The following GRM5 variants were observed in gnomAD, a reference collection of about 807,000 sequenced individuals.
GRM5 encodes the protein metabotropic glutamate receptor 5.
In GRM5, 19 loss-of-function variants were observed where a neutral mutation model predicts 83.1. That is an observed-to-expected ratio of 0.23 (90% CI 0.16 to 0.34). The LOEUF (loss-of-function observed/expected upper bound fraction) is 0.34. Ranked by LOEUF, GRM5 falls within the 10% of genes least tolerant of loss-of-function variation. The pLI is 1.00. For missense variants in GRM5, 1,160 were observed against 1,588.3 expected (o/e 0.73, Z 4.58); for synonymous variants, 675 against 633.6 (o/e 1.07, Z -0.98).
At chr11:88,884,446 A>T (rs1409367375) in intron 2 of GRM5, among the ~76,000 whole-genome samples, 2 of 152,114 alleles carry the variant, frequency 1.3e-5, no homozygotes, top group Non-Finnish European at 2.9e-5. Context: ...TCATAGGAGG[A>T]AGGAACATGC....
chr11:88,669,776 G>A (rs893299010), intron 3 of GRM5, among the ~76,000 whole-genome samples: 3 of 151,936 alleles, frequency 2.0e-5, no homozygotes, highest in Non-Finnish European at 4.4e-5. Flanking sequence ...TAAATTATGG[G>A]AGATTTTACT....
chr11:88,855,692 G>A (rs757492486), intron 2 of GRM5, among the ~76,000 whole-genome samples: 1 of 151,788 alleles, frequency 6.6e-6, no homozygotes, highest in Non-Finnish European at 1.5e-5. Context: ...ATGCCTCAGA[G>A]TCAGGAAATG....
Position 88,861,961 on chromosome 11 carries a change from G to A in GRM5, c.662-11806C>T, listed in dbSNP as rs568601065. Among the ~76,000 whole-genome samples, 4 of 152,250 alleles carry A rather than the reference G, an allele frequency of 2.6e-5. No individual in the cohort carries two copies. In the East Asian group the frequency reaches 5.8e-4, roughly 22 times the overall value. ...TATCTCAAGGGCCTAGGCAACCTAA[G>A]TATTTGTTGAATAAATAAATTTTAG... On this transcript the variant is annotated intron_variant, in intron 2 of 9. Coordinates refer to ENST00000305447, the MANE Select transcript of GRM5 (RefSeq NM_001143831.3).
intron 2 of GRM5, among the ~76,000 whole-genome samples, chr11:89,022,430 C>T (rs1941007636): frequency 6.7e-6 from 1 of 149,332 alleles, no homozygotes; most frequent in Non-Finnish European, 1.5e-5. Context: ...GTCACAAGGT[C>T]AGGAGCTCGA....
chr11:88,581,033 G>A (rs1268835298), intron 7 of GRM5, among the ~76,000 whole-genome samples: 5 of 152,088 alleles, frequency 3.3e-5, no homozygotes, highest in African/African-American at 9.7e-5. Context: ...GCTTGAACCC[G>A]GGAGGCGGAG....
chr11:88,997,911 T>A (rs1392236586), intron 2 of GRM5, among the ~76,000 whole-genome samples: 1 of 152,022 alleles, frequency 6.6e-6, no homozygotes, highest in East Asian at 1.9e-4. Flanking sequence ...ACATTCTCTT[T>A]CAGAAAAGAG....
intron 2 of GRM5, among the ~76,000 whole-genome samples, chr11:88,943,241 T>A (rs1938170286): frequency 6.6e-6 from 1 of 152,118 alleles, no homozygotes; most frequent in African/African-American, 2.4e-5. Context: ...AAAGTAGTCA[T>A]TTAATCAAAC....
intron 3 of GRM5, among the ~76,000 whole-genome samples, chr11:88,836,472 C>T (rs1485731089): frequency 6.6e-6 from 1 of 152,126 alleles, no homozygotes; most frequent in African/African-American, 2.4e-5. Context: ...TGATAGTTCA[C>T]ATCTTCTGTT....
At chr11:88,648,943 C>T (rs1939545615) in intron 4 of GRM5, among the ~76,000 whole-genome samples, 1 of 147,642 alleles carries the variant, frequency 6.8e-6, no homozygotes, top group Non-Finnish European at 1.5e-5. Context: ...TAAACTGATG[C>T]AATTCTTTAT....
chr11:88,545,710 G>A (rs992134456), intron 8 of GRM5, among the ~76,000 whole-genome samples: 2 of 151,928 alleles, frequency 1.3e-5, no homozygotes, highest in South Asian at 2.1e-4. Flanking sequence ...TGAAACCATC[G>A]TGATTTCTCA....
chr11:88,645,962 G>T (rs1020650584), intron 4 of GRM5, among the ~76,000 whole-genome samples: 1 of 152,086 alleles, frequency 6.6e-6, no homozygotes, highest in Admixed American at 6.6e-5. Flanking sequence ...TTCAACTGGG[G>T]ATATAAAAAG....
chr11:88,618,856 T>A (rs1484758936), intron 4 of GRM5, among the ~76,000 whole-genome samples: 1 of 152,236 alleles, frequency 6.6e-6, no homozygotes, highest in Non-Finnish European at 1.5e-5. Flanking sequence ...TTTTAGGGTC[T>A]GCTATGAGCC....
intron 2 of GRM5, among the ~76,000 whole-genome samples, chr11:88,887,000 T>C (rs1945055073): frequency 1.3e-5 from 2 of 152,170 alleles, no homozygotes; most frequent in African/African-American, 4.8e-5. Context: ...CCCCACCTAG[T>C]GGAATAGGGA....
intron 4 of GRM5, among the ~76,000 whole-genome samples, chr11:88,646,616 T>C (rs879588941): frequency 7.8e-5 from 11 of 140,620 alleles, no homozygotes; most frequent in Admixed American, 7.6e-4. Flanking sequence ...GAGGAAGAAC[T>C]GGTGTTAGGT....
intron 4 of GRM5, among the ~76,000 whole-genome samples, chr11:88,626,260 A>G (rs1169407376): frequency 2.6e-5 from 4 of 152,246 alleles, no homozygotes; most frequent in African/African-American, 7.2e-5. Flanking sequence ...GTTTTAGACC[A>G]TAAAACATTC....
chr11:88,909,724 T>C (rs1342147778), intron 2 of GRM5, among the ~76,000 whole-genome samples: 3 of 152,042 alleles, frequency 2.0e-5, no homozygotes, highest in African/African-American at 7.2e-5. Flanking sequence ...ATAACCCCAG[T>C]TACCATAGCA....
At chr11:88,615,227 G>A (rs1491891) in intron 4 of GRM5, among the ~76,000 whole-genome samples, 32,820 of 152,006 alleles carry the variant, frequency 0.22, 3,584 homozygotes, top group Middle Eastern at 0.26. Context: ...TAATCACCCA[G>A]AGACCCAAGT....
At chr11:88,523,283 A>T (rs1941754248) in intron 9 of GRM5, among the ~76,000 whole-genome samples, 1 of 152,160 alleles carries the variant, frequency 6.6e-6, no homozygotes, top group Admixed American at 6.5e-5. Flanking sequence ...ATTTTGCCTC[A>T]GTCTGTTTGA....
chr11:88,631,344 G>A (rs1205942981), intron 4 of GRM5, among the ~76,000 whole-genome samples: 1 of 152,082 alleles, frequency 6.6e-6, no homozygotes, highest in African/African-American at 2.4e-5. Flanking sequence ...GTAATATGCT[G>A]TAAATCATCA....
Sources: allele counts gnomAD v4.1 joint callset (sites outside exome capture counted in the v4.1 genomes callset), GRCh38; gene constraint gnomAD v4.1.1; transcripts MANE v1.5; gene names NCBI Gene and HGNC (gene_info 2026-07-23, HGNC 2026-07-21).